The following MRPS9 variants were observed in gnomAD, a reference collection of about 807,000 sequenced individuals.
MRPS9 encodes mitochondrial ribosomal protein S9.
A neutral mutation model predicts 59.9 loss-of-function variants in MRPS9; 45 were observed. That is an observed-to-expected ratio of 0.75 (90% CI 0.59 to 0.96). The LOEUF (loss-of-function observed/expected upper bound fraction) is 0.96, where lower values mean the gene tolerates loss of function less well. MRPS9 is among the 40% of genes least tolerant of loss of function. The pLI, the probability that MRPS9 is intolerant of heterozygous loss-of-function variation, is 0.00. For missense variants in MRPS9, 473 were observed against 481.1 expected, an observed-to-expected ratio of 0.98 and a Z score of 0.16; for synonymous variants, 171 against 166.8, an observed-to-expected ratio of 1.03 and a Z score of -0.19.
intron 2 of MRPS9, among the ~76,000 whole-genome samples, chr2:105,057,912 C>A (rs1020321056): frequency 2.6e-5 from 4 of 151,814 alleles, no homozygotes; most frequent in African/African-American, 9.7e-5. Flanking sequence ...AAGTTAAGTT[C>A]TACATTACTA....
chr2:105,089,678 C>A (rs1264411729), intron 6 of MRPS9, among the ~76,000 whole-genome samples: 2 of 152,094 alleles, frequency 1.3e-5, no homozygotes, highest in African/African-American at 4.8e-5. Context: ...GCTTTTAATA[C>A]CAAGTGAGTT....
At chr2:105,044,688 T>C (rs1427054369) in intron 1 of MRPS9, among the ~76,000 whole-genome samples, 1 of 152,186 alleles carries the variant, frequency 6.6e-6, no homozygotes, top group Non-Finnish European at 1.5e-5. Context: ...CTGGAGACTA[T>C]AGGCAGACAC....
chr2:105,070,821 A>G (rs1680098855), intron 2 of MRPS9, among the ~76,000 whole-genome samples: 1 of 152,196 alleles, frequency 6.6e-6, no homozygotes, highest in South Asian at 2.1e-4. Flanking sequence ...CCTATTGAAA[A>G]ACAGACATGG....
intron 6 of MRPS9, 36 bp downstream of exon 6, chr2:105,089,105 T>C: frequency 1.3e-6 from 2 of 1,525,932 alleles, no homozygotes; most frequent in Middle Eastern, 1.7e-4. Flanking sequence ...ATAAGTAAAA[T>C]TTGAACTAAA....
In MRPS9 at chr2:105,052,560, C is replaced by T. The variant is rs182454832; in HGVS notation, c.315+3210C>T. On this transcript the variant is annotated intron_variant, in intron 2 of 10. Coordinates refer to ENST00000258455, the MANE Select transcript of MRPS9 (RefSeq NM_182640.3). ...AGCATTTTCTTGAGGATTTTTATGT[C>T]TAATTGATATTGGTCTGTAGTTTTC... is the stretch of plus-strand genomic sequence containing the variant. Among the ~76,000 whole-genome samples the T allele has an allele frequency of 3.3e-5, 5 of 152,116 alleles. No homozygotes were observed. In the East Asian group the frequency reaches 9.7e-4, roughly 29 times the overall value.
Position 105,083,128 on chromosome 2 carries a change from T to C in MRPS9, c.489+3066T>C, listed in dbSNP as rs147707600. 5.5e-3 allele frequency among the ~76,000 whole-genome samples: 843 copies of C among 152,284 alleles called. 11 individuals carry two copies. The highest frequency in any genetic ancestry group is 0.019 in the African/African-American group (792 of 41,560). On this transcript the variant is annotated intron_variant, in intron 5 of 10. Coordinates refer to ENST00000258455, the MANE Select transcript of MRPS9 (RefSeq NM_182640.3). ...TTGCTTTTCAGACATGATTTAGGGC[T>C]TTAGGTTTCAAGAAAGAGAGAAAGA...
At chr2:105,074,706 G>T (rs1231861682) in intron 4 of MRPS9, among the ~76,000 whole-genome samples, 1 of 152,156 alleles carries the variant, frequency 6.6e-6, no homozygotes, top group Non-Finnish European at 1.5e-5. Flanking sequence ...CCAGGCAGTT[G>T]TGGCACACAC....
intron 5 of MRPS9, among the ~76,000 whole-genome samples, chr2:105,081,096 A>G (rs144569087): frequency 2.6e-5 from 4 of 152,146 alleles, no homozygotes; most frequent in Admixed American, 2.6e-4. Context: ...CCTGCTGTTC[A>G]TTTAAATAGG....
intron 2 of MRPS9, among the ~76,000 whole-genome samples, chr2:105,058,284 T>C (rs1485975974): frequency 2.0e-5 from 3 of 152,182 alleles, no homozygotes; most frequent in Admixed American, 2.0e-4. Context: ...TGCTGGTAAT[T>C]TATAAGCGAA....
intron 5 of MRPS9, among the ~76,000 whole-genome samples, chr2:105,082,097 T>G (rs1326213063): frequency 1.3e-5 from 2 of 152,212 alleles, no homozygotes; most frequent in African/African-American, 4.8e-5. Context: ...CTGGCCTTGG[T>G]GGTGGGGGGA....
chr2:105,090,718 C>G (rs1680541818), intron 7 of MRPS9, among the ~76,000 whole-genome samples: 1 of 152,148 alleles, frequency 6.6e-6, no homozygotes, highest in Admixed American at 6.5e-5. Context: ...TTTTGATGTT[C>G]CAAATTTATT....
chr2:105,053,750 T>C lies in MRPS9; in HGVS notation c.315+4400T>C, dbSNP rs1679751983. Among the ~76,000 whole-genome samples, 5 of 152,264 alleles carry C rather than the reference T, an allele frequency of 3.3e-5. No individual in the cohort carries two copies. In the South Asian group the frequency reaches 1.0e-3, roughly 32 times the overall value. Reference sequence around the variant, plus strand: ...CTTAACATCACTATGTAAAGATAAGTGGTGGCAGCTATTCTGTACTTTTAA... The same window carrying C: ...CTTAACATCACTATGTAAAGATAAGCGGTGGCAGCTATTCTGTACTTTTAA... On this transcript the variant is annotated intron_variant, in intron 2 of 10. Coordinates refer to ENST00000258455, the MANE Select transcript of MRPS9 (RefSeq NM_182640.3).
chr2:105,039,317 G>GTTTTTTT (rs11423412), intron 1 of MRPS9, among the ~76,000 whole-genome samples: 1 of 134,356 alleles, frequency 7.4e-6, no homozygotes. Flanking sequence ...GTGGACATTT[G>GTTTTTTT]TTTTTTTTTT....
chr2:105,059,531 A>T (rs902232085), intron 2 of MRPS9, among the ~76,000 whole-genome samples: 1 of 152,196 alleles, frequency 6.6e-6, no homozygotes, highest in Non-Finnish European at 1.5e-5. Context: ...AAAAACCATT[A>T]ACTGAGTCCC....
chr2:105,057,326 C>T (rs998862539), intron 2 of MRPS9, among the ~76,000 whole-genome samples: 1 of 152,134 alleles, frequency 6.6e-6, no homozygotes, highest in African/African-American at 2.4e-5. Flanking sequence ...TGCTGTTATC[C>T]TCAACTCCTG....
At chr2:105,099,169 G>C (rs989956123) in intron 10 of MRPS9, 7 of 152,100 alleles carry the variant, frequency 4.6e-5, no homozygotes, top group African/African-American at 1.7e-4. Context: ...TTAAATGTTT[G>C]ACAAGTCATA....
chr2:105,054,054 T>C (rs746893928), intron 2 of MRPS9, among the ~76,000 whole-genome samples: 1 of 152,200 alleles, frequency 6.6e-6, no homozygotes. Context: ...TGAAATGATC[T>C]TGTAGAAAAA....
chr2:105,065,465 GTTAA>G (rs1161880343), intron 2 of MRPS9, among the ~76,000 whole-genome samples: 5 of 152,208 alleles, frequency 3.3e-5, no homozygotes, highest in East Asian at 3.9e-4. Flanking sequence ...TTTTTGTATA[GTTAA>G]TTAATATTTA....
intron 2 of MRPS9, 81 bp downstream of exon 2, chr2:105,049,431 GCT>G: frequency 5.8e-6 from 7 of 1,206,800 alleles, no homozygotes; most frequent in Non-Finnish European, 1.2e-6. Flanking sequence ...GAGCCCCTTA[GCT>G]CTGTGTTTTA....
Sources: gnomAD v4.1 joint callset for allele counts (sites outside exome capture counted in the v4.1 genomes callset) on GRCh38, gnomAD v4.1.1 for gene constraint, MANE v1.5 for transcripts, NCBI Gene and HGNC (gene_info 2026-07-23, HGNC 2026-07-21) for gene names.